CERCAM: variants seen among roughly 807,000 people sequenced by gnomAD.
The protein encoded by CERCAM is cerebral endothelial cell adhesion molecule, also known as inactive glycosyltransferase 25 family member 3.
In CERCAM, 59 loss-of-function variants were observed where a neutral mutation model predicts 66.0. The ratio of observed to expected loss-of-function variants is 0.89; its 90% confidence interval spans 0.73 to 1.11. CERCAM has a LOEUF of 1.11. Ranked by LOEUF, CERCAM falls within the 50% of genes most tolerant of loss-of-function variation. The pLI is 0.00. For missense variants in CERCAM, 840 were observed against 828.3 expected, an observed-to-expected ratio of 1.01 and a Z score of -0.17; for synonymous variants, 318 against 343.6, an observed-to-expected ratio of 0.93 and a Z score of 0.83.
At chr9:128,433,469 C>T (rs997253200) in intron 9 of CERCAM, among the ~76,000 whole-genome samples, 5 of 151,980 alleles carry the variant, frequency 3.3e-5, no homozygotes, top group African/African-American at 9.7e-5. Context: ...TGGGCCCAGC[C>T]ACCATCTGTC....
chr9:128,420,775 C>A, upstream of CERCAM: 1 of 359,922 alleles, frequency 2.8e-6, no homozygotes, highest in South Asian at 1.3e-4. The surrounding 1 kb of genome is among the most constrained non-coding windows in gnomAD (Gnocchi z 5.0). Flanking sequence ...CTGCCCCGCC[C>A]TCTCCGGGTC....
intron 8 of CERCAM, 147 bp from the exon 9 acceptor site, chr9:128,431,024 C>T: frequency 1.0e-6 from 1 of 973,578 alleles, no homozygotes; most frequent in Non-Finnish European, 1.5e-6. Context: ...AGTCCCTTGA[C>T]AGCTTCAGGT....
rs1370181703 is a variant in CERCAM, at chr9:128,434,308, C to T, written c.1331+79C>T. On this transcript the variant is annotated intron_variant, in intron 10 of 12. Transcript: ENST00000372838. The surrounding 1 kb of genome is among the most constrained non-coding windows in gnomAD (Gnocchi z 4.5). ...GCCTTTTCCTGCTTGGGACCCTGGC[C>T]GGCCCATCCCCTGAGAGCCTGGCCC... is the stretch of plus-strand genomic sequence containing the variant. 1.5e-5 allele frequency: 24 copies of T among 1,602,466 alleles called. No individual in the cohort carries two copies. The highest frequency in any genetic ancestry group is 1.0e-4 in the South Asian group (9 of 90,030).
rs202021528 is a variant in CERCAM at position 128,424,461 on chromosome 9, C to T, written c.613C>T (p.Arg205Trp). The T allele has an allele frequency of 2.7e-4, 438 of 1,614,122 alleles. 2 individuals are homozygous for T. In the South Asian group the frequency reaches 3.8e-3, roughly 14 times the overall value. Residue 205 changes from arginine (R) to tryptophan (W), a missense_variant, in exon 5 of 13, where the codon CGG becomes TGG. Arg to Trp is a moderately radical substitution (Grantham distance 101, BLOSUM62 -3). Transcript: ENST00000372838. ...EYFPTKNRQR[R>W]GCFRVPMVHS... ...CTTCCCCACCAAGAACCGCCAGCGCCGGGGCTGCTTCCGTGTCCCCATGGT... is the reference window on the plus strand; with the variant it reads ...CTTCCCCACCAAGAACCGCCAGCGCTGGGGCTGCTTCCGTGTCCCCATGGT...
intron 9 of CERCAM, among the ~76,000 whole-genome samples, 154 bp from the exon 10 acceptor site, chr9:128,433,948 C>T (rs910274791): frequency 1.3e-4 from 20 of 152,230 alleles, no homozygotes; most frequent in African/African-American, 4.3e-4. Flanking sequence ...TTGGGATTTC[C>T]GGTCCCAGGC....
At chr9:128,427,971 C>T (rs1833884480) in intron 5 of CERCAM, among the ~76,000 whole-genome samples, 1 of 152,072 alleles carries the variant, frequency 6.6e-6, no homozygotes, top group Non-Finnish European at 1.5e-5. Flanking sequence ...GGCTCACTGG[C>T]ACCCTGTGGC....
At chr9:128,426,034 G>C (rs901589258) in intron 5 of CERCAM, among the ~76,000 whole-genome samples, 16 of 151,014 alleles carry the variant, frequency 1.1e-4, no homozygotes, top group Admixed American at 1.1e-3. Context: ...TGAACTCCTG[G>C]GCTCAAGTGA....
chr9:128,435,542 TGGC>T, intron 11 of CERCAM, 108 bp from the exon 12 acceptor site: 2 of 1,199,230 alleles, frequency 1.7e-6, no homozygotes. Flanking sequence ...GAGGACTAGA[TGGC>T]GGGGAGTGAG....
In CERCAM at chr9:128,424,539, T is replaced by A. The variant is rs199949999; in HGVS notation, c.691T>A (p.Phe231Ile). The A allele has an allele frequency of 2.2e-5, 36 of 1,614,128 alleles. No individual in the cohort carries two copies. The highest frequency in any genetic ancestry group is 2.9e-5 in the Non-Finnish European group (34 of 1,180,016). ...GGCTGAAGGGGCAGACCAGCTTGCT[T>A]TCTACCCGCCACATCCCAACTACAC... ...LRAEGADQLAFYPPHPNYTWP... is the reference protein window; with the variant it reads ...LRAEGADQLAIYPPHPNYTWP... The change falls in exon 5 of 13, where the codon TTC (phenylalanine) becomes ATC (isoleucine). Residue 231 changes from phenylalanine (F) to isoleucine (I), a missense_variant. Coordinates refer to ENST00000372838, the MANE Select transcript of CERCAM (RefSeq NM_016174.5).
intron 8 of CERCAM, among the ~76,000 whole-genome samples, chr9:128,429,273 T>C (rs1273751749): frequency 6.6e-6 from 1 of 152,154 alleles, no homozygotes; most frequent in Non-Finnish European, 1.5e-5. Context: ...CTCCAGGGCC[T>C]GGGTTCCAGC....
rs770566413 is a variant in CERCAM at position 128,435,738 on chromosome 9, G to A, written c.1621G>A (p.Gly541Arg). Residue 541 changes from glycine to arginine, a missense_variant, in exon 12 of 13, where the codon GGG becomes AGG. By Grantham distance (125) the Gly-to-Arg change is moderately radical. Transcript: ENST00000372838. Reference protein sequence around the residue: ...PLLAAPTHYAGDAEWLSDTET... With the variant: ...PLLAAPTHYARDAEWLSDTET... Reference sequence around the variant, plus strand: ...GCTCGCTGCCCCTACCCACTATGCCGGGGACGCCGAGTGGCTCAGTGACAC... The same window carrying A: ...GCTCGCTGCCCCTACCCACTATGCCAGGGACGCCGAGTGGCTCAGTGACAC... 16 of 1,613,326 alleles carry A rather than the reference G, an allele frequency of 9.9e-6. No homozygotes were observed. Among genetic ancestry groups the A allele is most frequent in the Middle Eastern group, 1.6e-4 (1 of 6,084 alleles).
chr9:128,436,822 C>T (rs1402975991), intron 12 of CERCAM, 27 bp from the exon 13 acceptor site: 3 of 152,424 alleles, frequency 2.0e-5, no homozygotes, highest in Admixed American at 6.6e-5. Flanking sequence ...AATTCTCTTT[C>T]TCTTCCTGCT....
Position 128,431,260 on chromosome 9 carries a change from G to A in CERCAM, c.1160G>A (p.Gly387Asp). ...TACTCGGGCCGCACTCTGACCAAGGGCGAGGTGGGCTGCTTCCTCAGCCAT... is the reference window on the plus strand; with the variant it reads ...TACTCGGGCCGCACTCTGACCAAGGACGAGGTGGGCTGCTTCCTCAGCCAT... Reference protein sequence around the residue: ...DPYSGRTLTKGEVGCFLSHYS... With the variant: ...DPYSGRTLTKDEVGCFLSHYS... The change falls in exon 9 of 13, where the codon GGC (glycine) becomes GAC (aspartate). Residue 387 changes from glycine (G) to aspartate (D), a missense_variant. Physicochemically the swap from Gly to Asp is moderately conservative, Grantham distance 94 (BLOSUM62 -1). Transcript: ENST00000372838. The A allele has an allele frequency of 6.2e-7, 1 of 1,614,072 alleles. No individual in the cohort carries two copies. Among genetic ancestry groups the A allele is most frequent in the Non-Finnish European group, 8.5e-7 (1 of 1,180,010 alleles).
intron 5 of CERCAM, among the ~76,000 whole-genome samples, chr9:128,425,417 C>T (rs1402152535): frequency 6.6e-6 from 1 of 152,062 alleles, no homozygotes; most frequent in Admixed American, 6.6e-5. Flanking sequence ...ACCCTAATCT[C>T]AAAGTCTTGG....
At chr9:128,424,791 C>T (rs1443201883) in intron 5 of CERCAM, among the ~76,000 whole-genome samples, 177 bp downstream of exon 5, 2 of 145,780 alleles carry the variant, frequency 1.4e-5, no homozygotes, top group Admixed American at 6.9e-5. Context: ...GGTGTGATCT[C>T]GGCTCACTGC....
At chr9:128,425,971 A>G (rs936871866) in intron 5 of CERCAM, among the ~76,000 whole-genome samples, 3 of 151,228 alleles carry the variant, frequency 2.0e-5, no homozygotes, top group Non-Finnish European at 4.4e-5. Context: ...TGCCCAGCTA[A>G]TTTTTGTATT....
In CERCAM at chr9:128,434,492, T is replaced by C. The variant is rs1381709950; in HGVS notation, c.1414T>C (p.Tyr472His). The change falls in exon 11 of 13, where the codon TAC becomes CAC. Residue 472 changes from tyrosine to histidine, a missense_variant. By Grantham distance (83) the Tyr-to-His change is moderately conservative. Coordinates refer to ENST00000372838, the MANE Select transcript of CERCAM (RefSeq NM_016174.5). This position sits in a 1 kb window ranked among gnomAD's most constrained non-coding sequence, Gnocchi z 4.5. ...LPGLVVAGYS[Y>H]WTLAYALRLA... ...GGGCCTGGTGGTGGCTGGGTACTCC[T>C]ACTGGACGCTGGCCTATGCCCTGCG... 3.7e-6 allele frequency: 6 copies of C among 1,613,814 alleles called. No individual in the cohort carries two copies. The highest frequency in any genetic ancestry group is 5.1e-6 in the Non-Finnish European group (6 of 1,180,004).
intron 3 of CERCAM, 144 bp downstream of exon 3, chr9:128,423,407 A>AAGGCAG (rs1833759150): frequency 1.5e-6 from 1 of 663,738 alleles, no homozygotes; most frequent in Admixed American, 2.5e-5. Context: ...ACCTGAGGTC[A>AAGGCAG]GAAGTTCGAG....
chr9:128,425,890 C>T (rs1833835283), intron 5 of CERCAM, among the ~76,000 whole-genome samples: 1 of 146,184 alleles, frequency 6.8e-6, no homozygotes, highest in Non-Finnish European at 1.5e-5. Context: ...GGCACAATCT[C>T]AGCTCACTAC....
Sources: allele counts gnomAD v4.1 joint callset (sites outside exome capture counted in the v4.1 genomes callset), GRCh38; gene constraint gnomAD v4.1.1; non-coding constraint Gnocchi (gnomAD v3.1); transcripts MANE v1.5; gene names NCBI Gene and HGNC (gene_info 2026-07-23, HGNC 2026-07-21).